Variants in TFAP4 observed in about 807,000 individuals in gnomAD.
The protein encoded by TFAP4 is transcription factor AP-4.
TFAP4 carries 7 observed loss-of-function variants against 40.4 expected under a neutral mutation model. That is an observed-to-expected ratio of 0.17 (90% CI 0.10 to 0.33). The LOEUF (loss-of-function observed/expected upper bound fraction) is 0.33. Ranked by LOEUF, TFAP4 falls within the 10% of genes least tolerant of loss-of-function variation. The pLI is 1.00. For synonymous variants in TFAP4, 218 were observed against 181.4 expected (o/e 1.20, Z -1.62); for missense variants, 374 against 451.1 (o/e 0.83, Z 1.55).
chr16:4,265,884 C>T (rs759254742), intron 1 of TFAP4: 1 of 152,160 alleles, frequency 6.6e-6, no homozygotes, highest in Non-Finnish European at 1.5e-5. Context: ...TCACACAGCC[C>T]GCCACTTATC....
At chr16:4,261,240 G>A (rs2052944906) in intron 4 of TFAP4, among the ~76,000 whole-genome samples, 1 of 151,880 alleles carries the variant, frequency 6.6e-6, no homozygotes, top group African/African-American at 2.4e-5. Context: ...GCAAAGTGCT[G>A]GGATTATAGG....
chr16:4,271,706 T>G (rs1052644096), intron 1 of TFAP4, among the ~76,000 whole-genome samples: 1 of 151,574 alleles, frequency 6.6e-6, no homozygotes, highest in Non-Finnish European at 1.5e-5. Flanking sequence ...GGGAGGGGCG[T>G]TGGATGGGAA....
chr16:4,261,155 A>T (rs113767502), intron 4 of TFAP4, among the ~76,000 whole-genome samples: 16 of 151,306 alleles, frequency 1.1e-4, no homozygotes, highest in African/African-American at 3.9e-4. Context: ...CTTTTTTGGT[A>T]GAGACAGAGT....
chr16:4,266,497 T>G (rs6500594), intron 1 of TFAP4: 34,773 of 151,830 alleles, frequency 0.23, 4,116 homozygotes, highest in Middle Eastern at 0.27. Context: ...TTTAATAGAA[T>G]GCATTCTAAC....
In TFAP4 at chr16:4,260,577, G is replaced by A. The variant is rs1266772834; in HGVS notation, c.544C>T (p.His182Tyr). ...LEEQVRSLEA[H>Y]MYPEKLKVIA... ...ACCTTGAGCTTTTCCGGGTACATGT[G>A]GGCCTCCAGCGAGCGCACCTGGAGG... The change falls in exon 5 of 7, where the codon CAC (histidine) becomes TAC (tyrosine). Residue 182 changes from histidine (H) to tyrosine (Y), a missense_variant. Coordinates refer to ENST00000204517, the MANE Select transcript of TFAP4 (RefSeq NM_003223.3). 3 of 1,607,828 alleles carry A rather than the reference G, an allele frequency of 1.9e-6. No individual in the cohort carries two copies. The highest frequency in any genetic ancestry group is 1.7e-6 in the Non-Finnish European group (2 of 1,177,780).
chr16:4,258,303 G>A, intron 6 of TFAP4, 54 bp from the exon 7 acceptor site: 1 of 1,486,502 alleles, frequency 6.7e-7, no homozygotes, highest in East Asian at 2.4e-5. Context: ...TGGCCAGCCA[G>A]GAGACAGTGG....
intron 1 of TFAP4, 108 bp downstream of exon 1, chr16:4,272,550 A>C: frequency 2.8e-6 from 2 of 706,082 alleles, no homozygotes; most frequent in Non-Finnish European, 4.2e-6. Context: ...AAGAAAGGCT[A>C]GCGGGGTCGG....
Position 4,261,968 on chromosome 16 carries a change from C to A in TFAP4, c.355-19G>T. 1 of 1,587,640 alleles carries A rather than the reference C, an allele frequency of 6.3e-7. No individual in the cohort carries two copies. Among genetic ancestry groups the A allele is most frequent in the Non-Finnish European group, 8.6e-7 (1 of 1,169,530 alleles). On this transcript the variant is annotated intron_variant, in intron 3 of 6. Coordinates refer to ENST00000204517, the MANE Select transcript of TFAP4 (RefSeq NM_003223.3). ...TCAGCTCCTGGGGACCCCAAGGAGT[C>A]GGTCAGTGTGCCTGACACCTCGGTA...
In TFAP4 at chr16:4,258,181, G is replaced by A; in HGVS notation, c.891C>T (p.Ile297=). 1.2e-6 allele frequency: 2 copies of A among 1,613,582 alleles called. No individual in the cohort carries two copies. The highest frequency in any genetic ancestry group is 1.7e-6 in the Non-Finnish European group (2 of 1,179,688). Residue 297 remains isoleucine (I), a synonymous_variant, in exon 7 of 7, where the codon ATC becomes ATT. Transcript: ENST00000204517. The part of the protein sequence containing the change: ...ELEEEQRRAV[I]VKPVRSCPEA... ...CCGGGCAGCTGCGGACAGGCTTCAC[G>A]ATGACAGCTCGCCGCTGCTCCTCCT...
At chr16:4,258,328 C>G (rs2052915952) in intron 6 of TFAP4, 79 bp from the exon 7 acceptor site, 1 of 1,361,716 alleles carries the variant, frequency 7.3e-7, no homozygotes, top group South Asian at 1.4e-5. Context: ...TCTCAGCCAG[C>G]CACTGTCACC....
At chr16:4,270,186 A>G (rs535921565) in intron 1 of TFAP4, among the ~76,000 whole-genome samples, 156 of 152,304 alleles carry the variant, frequency 1.0e-3, no homozygotes, top group African/African-American at 3.6e-3. Flanking sequence ...CAAAAAAAAA[A>G]AGACTGAGTG....
In TFAP4 at chr16:4,258,134, G is replaced by T. The variant is rs756818988; in HGVS notation, c.938C>A (p.Ala313Asp). The T allele has an allele frequency of 6.2e-7, 1 of 1,613,850 alleles. No homozygotes were observed. The highest frequency in any genetic ancestry group is 8.5e-7 in the Non-Finnish European group (1 of 1,179,930). Residue 313 changes from alanine (A) to aspartate (D), a missense_variant, in exon 7 of 7, where the codon GCC becomes GAC. Ala to Asp is a moderately radical substitution (Grantham distance 126). Coordinates refer to ENST00000204517, the MANE Select transcript of TFAP4 (RefSeq NM_003223.3). ...SCPEAPTSDT[A>D]SDSEASDSDA... ...ACTGTCTGAGGCCTCGGAGTCGGAG[G>T]CGGTGTCAGAGGTGGGGGCCTCCGG...
At position 4,262,695 on chromosome 16, in the gene TFAP4, G is replaced by A; in HGVS notation, c.96C>T (p.Ala32=). The A allele has an allele frequency of 1.2e-6, 2 of 1,608,302 alleles. No individual in the cohort carries two copies. Among genetic ancestry groups the A allele is most frequent in the South Asian group, 1.1e-5 (1 of 91,062 alleles). ...KEVIGGLCSL[A]NIPLTPETQR... ...GAGTCTCGGGGGTTAGTGGAATGTT[G>A]GCAAGGCTGCCAGAGAGGACAGGGA... The change falls in exon 2 of 7, where the codon GCC becomes GCT. Residue 32 remains alanine (A), a synonymous_variant. Transcript: ENST00000204517.
chr16:4,269,220 G>A (rs970720938), intron 1 of TFAP4, among the ~76,000 whole-genome samples: 77 of 151,644 alleles, frequency 5.1e-4, no homozygotes, highest in African/African-American at 1.5e-3. Flanking sequence ...GAGGCCAGGC[G>A]CGGTGGCTCA....
chr16:4,263,689 C>G (rs2052966657), intron 1 of TFAP4: 1 of 152,406 alleles, frequency 6.6e-6, no homozygotes, highest in African/African-American at 2.4e-5. Flanking sequence ...AAGCGAGGCT[C>G]CCACCATGCT....
chr16:4,271,535 A>C (rs554593456), intron 1 of TFAP4, among the ~76,000 whole-genome samples: 8 of 152,312 alleles, frequency 5.3e-5, no homozygotes, highest in Non-Finnish European at 1.0e-4. Flanking sequence ...CATTTTAAGA[A>C]GTGTGCGGGG....
At position 4,268,393 on chromosome 16, in the gene TFAP4, T is replaced by TA. The variant is rs532586933; in HGVS notation, c.89+4264dup. Among the ~76,000 whole-genome samples the TA allele has an allele frequency of 3.1e-4, 47 of 152,282 alleles. 2 individuals carry two copies. The Middle Eastern group carries it at 0.034, about 110-fold the overall frequency. On this transcript the variant is annotated intron_variant, in intron 1 of 6. Transcript: ENST00000204517. ...CAACCCATGAAACTCTTAGGGGGTC[T>TA]ACAAGACCTTTTAAGACCACAAGGC...
intron 6 of TFAP4, among the ~76,000 whole-genome samples, chr16:4,259,716 C>CTATAGT (rs2052928929): frequency 1.3e-5 from 2 of 152,186 alleles, no homozygotes; most frequent in African/African-American, 2.4e-5. Context: ...GCCCTGCCAC[C>CTATAGT]TGTATCTCCA....
rs780341787 is a variant in TFAP4, at chr16:4,258,010, G to A, written c.*45C>T. The stretch of plus-strand genomic sequence containing the variant: ...CCATGTCTCTCCCTGTGGCTGCCCC[G>A]GCTCCCTCCAGCCCCCAGAAGGGAG... On this transcript the variant is annotated 3_prime_UTR_variant, in exon 7 of 7. Transcript: ENST00000204517. 3.2e-6 allele frequency: 5 copies of A among 1,568,678 alleles called. No individual in the cohort carries two copies. Among genetic ancestry groups the A allele is most frequent in the Middle Eastern group, 2.2e-4 (1 of 4,464 alleles).
Sources: allele counts gnomAD v4.1 joint callset (sites outside exome capture counted in the v4.1 genomes callset), GRCh38; gene constraint gnomAD v4.1.1; transcripts MANE v1.5; gene names NCBI Gene and HGNC (gene_info 2026-07-23, HGNC 2026-07-21).